PRKCE: variants seen among roughly 807,000 people sequenced by gnomAD.
PRKCE encodes protein kinase C epsilon type.
In PRKCE, 16 loss-of-function variants were observed where a neutral mutation model predicts 85.4. The ratio of observed to expected loss-of-function variants is 0.19; its 90% CI spans 0.13 to 0.28. The LOEUF (loss-of-function observed/expected upper bound fraction) is 0.28. Among genes scored for constraint, PRKCE ranks in the 10% least tolerant of loss-of-function variants. The pLI is 1.00. For synonymous variants in PRKCE, 388 were observed against 371.5 expected (o/e 1.04, Z -0.51); for missense variants, 573 against 975.2 (o/e 0.59, Z 5.49).
intron 1 of PRKCE, among the ~76,000 whole-genome samples, chr2:45,759,754 A>G (rs576782653): frequency 1.3e-5 from 2 of 152,342 alleles, no homozygotes; most frequent in South Asian, 4.1e-4. Flanking sequence ...CATCCTCGCC[A>G]TGGCATTATG....
intron 5 of PRKCE, among the ~76,000 whole-genome samples, chr2:45,983,922 A>G (rs369134949): frequency 1.2e-4 from 17 of 147,616 alleles, no homozygotes; most frequent in African/African-American, 4.3e-4. Context: ...GGCACACAGC[A>G]GTATTGAAGG....
chr2:45,992,709 T>A lies in PRKCE; in HGVS notation c.823+8029T>A, dbSNP rs1160920373. ...TGGCTCTGTCACCATTCCCAGAAGGTTGTCTGCTTGCTTTGGAGGAATTCC... is the reference window on the plus strand; with the variant it reads ...TGGCTCTGTCACCATTCCCAGAAGGATGTCTGCTTGCTTTGGAGGAATTCC... On this transcript the variant is annotated intron_variant, in intron 6 of 14. Coordinates refer to ENST00000306156, the MANE Select transcript of PRKCE (RefSeq NM_005400.3). Among the ~76,000 whole-genome samples, 4 of 152,300 alleles carry A rather than the reference T, an allele frequency of 2.6e-5. No homozygotes were observed. The East Asian group carries it at 7.7e-4, about 29-fold the overall frequency.
chr2:45,651,609 G>T (rs971806465), upstream of PRKCE: 1 of 158,656 alleles, frequency 6.3e-6, no homozygotes, highest in Admixed American at 6.0e-5. Flanking sequence ...GAGGATCCGG[G>T]TTGAAATCTG....
intron 1 of PRKCE, among the ~76,000 whole-genome samples, chr2:45,770,374 A>C (rs1337876720): frequency 6.6e-6 from 1 of 152,192 alleles, no homozygotes; most frequent in African/African-American, 2.4e-5. Context: ...CTTCTGTTTC[A>C]AAAGTGTGCA....
chr2:45,843,120 G>A (rs916454924), intron 2 of PRKCE, 57 bp downstream of exon 2: 10 of 1,489,006 alleles, frequency 6.7e-6, no homozygotes, highest in Non-Finnish European at 6.5e-6. Context: ...TGCCTTCTGG[G>A]TCTCTTCTTT....
intron 1 of PRKCE, among the ~76,000 whole-genome samples, chr2:45,749,072 T>G (rs1683352596): frequency 6.6e-6 from 1 of 152,116 alleles, no homozygotes; most frequent in Admixed American, 6.5e-5. Flanking sequence ...GTATTTTTAG[T>G]AGAGACGGGG....
intron 2 of PRKCE, among the ~76,000 whole-genome samples, chr2:45,919,653 C>G (rs1698104263): frequency 6.6e-6 from 1 of 152,214 alleles, no homozygotes; most frequent in Non-Finnish European, 1.5e-5. Flanking sequence ...AAGAGGACAT[C>G]CCAACAGATC....
chr2:46,107,360 C>T (rs1286065836), intron 11 of PRKCE, among the ~76,000 whole-genome samples: 4 of 152,046 alleles, frequency 2.6e-5, no homozygotes, highest in Non-Finnish European at 5.9e-5. Context: ...AATAATATTC[C>T]GGCCGGGCAC....
rs531664872 is a variant in PRKCE, at chr2:45,897,901, AC to A, written c.412+54841del. Among the ~76,000 whole-genome samples, 58 of 152,248 alleles carry A rather than the reference AC, an allele frequency of 3.8e-4. No homozygotes were observed. The East Asian group carries it at 9.8e-3, about 26-fold the overall frequency. On this transcript the variant is annotated intron_variant, in intron 2 of 14. Coordinates refer to ENST00000306156, the MANE Select transcript of PRKCE (RefSeq NM_005400.3). ...ACTGCTGACAAGGGCATGATGAGAC[AC>A]CCGGATAAACTGCTGGTAGGATACT... is the stretch of plus-strand genomic sequence containing the variant.
At chr2:45,974,415 A>G (rs928844403) in intron 2 of PRKCE, among the ~76,000 whole-genome samples, 3 of 152,162 alleles carry the variant, frequency 2.0e-5, no homozygotes, top group East Asian at 3.9e-4. Context: ...ATAAGCACCA[A>G]TTGAAACCCA....
chr2:45,939,387 C>T (rs1699714960), intron 2 of PRKCE, among the ~76,000 whole-genome samples: 1 of 152,108 alleles, frequency 6.6e-6, no homozygotes. Context: ...TTGGAGCTGC[C>T]CTTCCTTCCG....
At chr2:45,770,330 T>C (rs1685216587) in intron 1 of PRKCE, among the ~76,000 whole-genome samples, 1 of 152,220 alleles carries the variant, frequency 6.6e-6, no homozygotes, top group Admixed American at 6.5e-5. Flanking sequence ...CAACACTGAC[T>C]GTGGCTTTTT....
chr2:45,862,147 C>A (rs1298126119), intron 2 of PRKCE, among the ~76,000 whole-genome samples: 1 of 151,444 alleles, frequency 6.6e-6, no homozygotes. Context: ...GTCTTAGGTA[C>A]TACCCCGCCA....
At chr2:46,010,554 G>T in intron 10 of PRKCE, 37 bp downstream of exon 10, 1 of 1,597,950 alleles carries the variant, frequency 6.3e-7, no homozygotes, top group Non-Finnish European at 8.5e-7. Context: ...GCCATGTTGG[G>T]GCATCTTGAC....
intron 1 of PRKCE, among the ~76,000 whole-genome samples, chr2:45,659,127 C>G (rs750247619): frequency 1.3e-5 from 2 of 152,140 alleles, no homozygotes; most frequent in Non-Finnish European, 2.9e-5. Flanking sequence ...TATGGGATTG[C>G]CTTCAGGTCC....
At chr2:45,884,030 G>C (rs1695067585) in intron 2 of PRKCE, among the ~76,000 whole-genome samples, 1 of 152,204 alleles carries the variant, frequency 6.6e-6, no homozygotes, top group African/African-American at 2.4e-5. Context: ...TGCCTTGAGA[G>C]TGAGTGGCGT....
intron 2 of PRKCE, among the ~76,000 whole-genome samples, chr2:45,941,369 C>G (rs1191644477): frequency 6.6e-6 from 1 of 152,154 alleles, no homozygotes; most frequent in Non-Finnish European, 1.5e-5. Flanking sequence ...GTATATTCAT[C>G]TATAGATTAG....
At chr2:46,010,928 T>G in intron 10 of PRKCE, 1 of 1,423,656 alleles carries the variant, frequency 7.0e-7, no homozygotes, top group Non-Finnish European at 9.1e-7. Flanking sequence ...TTCTAATCTG[T>G]GTAATGTCAT....
chr2:45,891,010 A>G (rs999121152), intron 2 of PRKCE, among the ~76,000 whole-genome samples: 6 of 152,154 alleles, frequency 3.9e-5, no homozygotes, highest in African/African-American at 1.4e-4. Context: ...GCAGAGCTGG[A>G]GGCTGTGTCG....
Sources: gnomAD v4.1 joint callset for allele counts (sites outside exome capture counted in the v4.1 genomes callset) on GRCh38, gnomAD v4.1.1 for gene constraint, MANE v1.5 for transcripts, NCBI Gene and HGNC (gene_info 2026-07-23, HGNC 2026-07-21) for gene names.